SHROOM3: variants seen among roughly 807,000 people sequenced by gnomAD.
The protein encoded by SHROOM3 is protein Shroom3.
A neutral mutation model predicts 138.6 loss-of-function variants in SHROOM3; 47 were observed. That is an observed-to-expected ratio of 0.34 (90% CI 0.27 to 0.43). SHROOM3 has a LOEUF of 0.43. SHROOM3 is among the 20% of genes least tolerant of loss of function. The pLI is 1.00. For missense variants in SHROOM3, 2,491 were observed against 2,596.5 expected (o/e 0.96, Z 0.88); for synonymous variants, 1,062 against 1,063.3 (o/e 1.00, Z 0.02).
chr4:76,672,283 G>T (rs1008019750), intron 2 of SHROOM3, among the ~76,000 whole-genome samples: 2 of 151,980 alleles, frequency 1.3e-5, no homozygotes, highest in Non-Finnish European at 1.5e-5. Flanking sequence ...TAATATTTTC[G>T]GAGAGAAAAG....
Position 76,740,152 on chromosome 4 carries a change from C to T in SHROOM3, c.1979C>T (p.Ser660Leu), listed in dbSNP as rs765567959. 6.2e-7 allele frequency: 1 copy of T among 1,613,910 alleles called. No homozygotes were observed. The highest frequency in any genetic ancestry group is 2.2e-5 in the East Asian group (1 of 44,868). Residue 660 changes from serine to leucine, a missense_variant, in exon 5 of 11, where the codon TCA becomes TTA. Physicochemically the swap from Ser to Leu is moderately radical, Grantham distance 145. Coordinates refer to ENST00000296043, the MANE Select transcript of SHROOM3 (RefSeq NM_020859.4). This position sits in a 1 kb window ranked among gnomAD's most constrained non-coding sequence, Gnocchi z 4.0. Reference sequence around the variant, plus strand: ...TCAGGCAACTTTGGCAAGACCAAGTCAGCCTTCTCATCTCTCCAGAACATT... The same window carrying T: ...TCAGGCAACTTTGGCAAGACCAAGTTAGCCTTCTCATCTCTCCAGAACATT... ...SLSGNFGKTK[S>L]AFSSLQNIPE...
At chr4:76,643,441 T>C (rs1735732369) in intron 2 of SHROOM3, among the ~76,000 whole-genome samples, 1 of 152,078 alleles carries the variant, frequency 6.6e-6, no homozygotes. Context: ...CAGACCAGGA[T>C]GTAAGTCTGC....
Position 76,779,088 on chromosome 4 carries a change from G to A in SHROOM3, c.5902G>A (p.Ala1968Thr), listed in dbSNP as rs1560627894. ...SDFIPKAGAL[A>T]LPPNLTSEPI... ...TTTCATTCCCAAGGCTGGGGCCCTG[G>A]CTCTGCCCCCAAACCTCACGAGTGA... Residue 1968 changes from alanine (A) to threonine (T), a missense_variant, in exon 11 of 11, where the codon GCT becomes ACT. Physicochemically the swap from Ala to Thr is moderately conservative, Grantham distance 58. This residue lies in a region of SHROOM3 where 470 missense variants were observed against 595.0 expected (regional missense o/e 0.79). Transcript: ENST00000296043. The A allele has an allele frequency of 3.7e-6, 6 of 1,614,168 alleles. 1 individual carries two copies. The highest frequency in any genetic ancestry group is 8.5e-7 in the Non-Finnish European group (1 of 1,180,044).
intron 2 of SHROOM3, among the ~76,000 whole-genome samples, chr4:76,663,637 C>T (rs1029699327): frequency 6.6e-6 from 1 of 152,102 alleles, no homozygotes; most frequent in African/African-American, 2.4e-5. Context: ...TAAAGTGATC[C>T]TCCTCCCTCA....
intron 2 of SHROOM3, among the ~76,000 whole-genome samples, chr4:76,618,999 C>T (rs1054570765): frequency 6.6e-6 from 1 of 152,174 alleles, no homozygotes; most frequent in Non-Finnish European, 1.5e-5. Context: ...AGGCACCTGC[C>T]ACCATGCCCG....
intron 10 of SHROOM3, among the ~76,000 whole-genome samples, chr4:76,774,877 C>A (rs1363218632): frequency 1.3e-5 from 2 of 151,732 alleles, no homozygotes; most frequent in Non-Finnish European, 2.9e-5. Flanking sequence ...CTTTGATAAC[C>A]CTACATAAGC....
intron 5 of SHROOM3, among the ~76,000 whole-genome samples, chr4:76,746,093 G>T (rs1167140356): frequency 3.3e-5 from 5 of 152,166 alleles, no homozygotes. Context: ...TACAAAATTT[G>T]CCCAAGGTAG....
At chr4:76,486,879 C>G (rs1427151944) in intron 1 of SHROOM3, among the ~76,000 whole-genome samples, 1 of 151,424 alleles carries the variant, frequency 6.6e-6, no homozygotes, top group East Asian at 1.9e-4. Context: ...TACTTAATAT[C>G]TATTCAGTGC....
At chr4:76,478,333 T>C (rs891049677) in intron 1 of SHROOM3, among the ~76,000 whole-genome samples, 1 of 152,150 alleles carries the variant, frequency 6.6e-6, no homozygotes, top group Non-Finnish European at 1.5e-5. Context: ...TAGGCAGTTT[T>C]CCCCTCACAG....
intron 7 of SHROOM3, 79 bp from the exon 8 acceptor site, chr4:76,756,370 C>T: frequency 6.6e-7 from 1 of 1,513,360 alleles, no homozygotes; most frequent in Non-Finnish European, 8.9e-7. Flanking sequence ...CTTTCTCCAC[C>T]CTCTTATCAT....
At chr4:76,460,230 C>T (rs1021090864) in intron 1 of SHROOM3, among the ~76,000 whole-genome samples, 2 of 152,152 alleles carry the variant, frequency 1.3e-5, no homozygotes, top group Non-Finnish European at 2.9e-5. Context: ...TCCCCATTTG[C>T]CTTCAATTCA....
chr4:76,598,752 A>G (rs1448612033), intron 2 of SHROOM3, among the ~76,000 whole-genome samples: 1 of 152,202 alleles, frequency 6.6e-6, no homozygotes, highest in Non-Finnish European at 1.5e-5. Flanking sequence ...TTCTTTGACT[A>G]AAGAGTGTAT....
At chr4:76,598,946 C>G (rs911137960) in intron 2 of SHROOM3, among the ~76,000 whole-genome samples, 2 of 151,980 alleles carry the variant, frequency 1.3e-5, no homozygotes, top group East Asian at 1.9e-4. Context: ...AAAGGCTGCT[C>G]CAGGTGAAAA....
chr4:76,702,244 AGC>A (rs1560595953), intron 2 of SHROOM3, among the ~76,000 whole-genome samples: 1 of 152,238 alleles, frequency 6.6e-6, no homozygotes, highest in East Asian at 1.9e-4. Flanking sequence ...CTTTAGCCAT[AGC>A]TCTTTCTACT....
At chr4:76,495,513 C>G (rs777987872) in intron 1 of SHROOM3, among the ~76,000 whole-genome samples, 1 of 152,250 alleles carries the variant, frequency 6.6e-6, no homozygotes, top group Non-Finnish European at 1.5e-5. Context: ...ACCACATTTT[C>G]ACTTCTGTGC....
chr4:76,544,525 T>G (rs1304492181), intron 1 of SHROOM3, among the ~76,000 whole-genome samples: 1 of 146,522 alleles, frequency 6.8e-6, no homozygotes, highest in Non-Finnish European at 1.5e-5. Flanking sequence ...CAAGTGATCC[T>G]CCTGCCTCAG....
intron 1 of SHROOM3, among the ~76,000 whole-genome samples, chr4:76,452,932 G>A (rs887405328): frequency 2.0e-5 from 3 of 152,158 alleles, no homozygotes; most frequent in Non-Finnish European, 2.9e-5. Flanking sequence ...TGGCCAGGCT[G>A]GTCTCAAACT....
chr4:76,453,131 T>C (rs1176182182), intron 1 of SHROOM3, among the ~76,000 whole-genome samples: 1 of 152,230 alleles, frequency 6.6e-6, no homozygotes, highest in Non-Finnish European at 1.5e-5. Flanking sequence ...ATGGTAATTC[T>C]AAGTTTAATT....
intron 8 of SHROOM3, chr4:76,757,171 G>A (rs1225189390): frequency 1.8e-6 from 1 of 542,986 alleles, no homozygotes; most frequent in Non-Finnish European, 3.3e-6. Flanking sequence ...AGTACCCATT[G>A]TTAACGTTGT....
Sources: gnomAD v4.1 joint callset for allele counts (sites outside exome capture counted in the v4.1 genomes callset) on GRCh38, gnomAD v4.1.1 for gene constraint, gnomAD v4.1.1 regional missense constraint, Gnocchi (gnomAD v3.1) non-coding constraint, MANE v1.5 for transcripts, NCBI Gene and HGNC (gene_info 2026-07-23, HGNC 2026-07-21) for gene names.